The following RASSF2 variants were observed in gnomAD, a reference collection of about 807,000 sequenced individuals.
RASSF2 encodes Ras association domain family member 2, also known as ras association domain-containing protein 2.
A neutral mutation model predicts 46.3 loss-of-function variants in RASSF2; 34 were observed. The observed-to-expected ratio is 0.73, with a 90% confidence interval of 0.56 to 0.98. The LOEUF (loss-of-function observed/expected upper bound fraction) is 0.98. RASSF2 is among the 50% of genes least tolerant of loss of function. RASSF2 has a pLI of 0.00. For synonymous variants in RASSF2, 158 were observed against 162.5 expected, an observed-to-expected ratio of 0.97 and a Z score of 0.21; for missense variants, 364 against 431.2, an observed-to-expected ratio of 0.84 and a Z score of 1.38.
chr20:4,788,351 C>G, intron 8 of RASSF2, 83 bp from the exon 9 acceptor site: 1 of 1,309,016 alleles, frequency 7.6e-7, no homozygotes, highest in Non-Finnish European at 1.1e-6. Context: ...TTTAGCAATG[C>G]AAAGCTAAGT....
At chr20:4,821,600 T>C (rs1486165032) in intron 2 of RASSF2, among the ~76,000 whole-genome samples, 3 of 152,142 alleles carry the variant, frequency 2.0e-5, no homozygotes, top group African/African-American at 7.2e-5. Flanking sequence ...GTCTCCCTGA[T>C]ATTCCACCTC....
rs1251504495 is a variant in RASSF2, at chr20:4,812,740, A to C, written c.-33+9589T>G. On this transcript the variant is annotated intron_variant, in intron 2 of 11. Transcript: ENST00000379400. The surrounding 1 kb of genome is among the most constrained non-coding windows in gnomAD (Gnocchi z 4.0). Reference sequence around the variant, plus strand: ...AGTCCCTCCAAGAACCTCAGGGGGAAGACTTCACTTTACAAATGAGGAAAC... The same window carrying C: ...AGTCCCTCCAAGAACCTCAGGGGGACGACTTCACTTTACAAATGAGGAAAC... Among the ~76,000 whole-genome samples, 1 of 152,204 alleles carries C rather than the reference A, an allele frequency of 6.6e-6. No homozygotes were observed.
intron 2 of RASSF2, among the ~76,000 whole-genome samples, chr20:4,821,054 G>A (rs532191046): frequency 2.2e-4 from 33 of 152,210 alleles, no homozygotes; most frequent in African/African-American, 4.1e-4. Flanking sequence ...CAGCTGACTC[G>A]CTCAGCCATT....
intron 2 of RASSF2, among the ~76,000 whole-genome samples, chr20:4,814,738 G>T (rs1928151266): frequency 6.6e-6 from 1 of 152,180 alleles, no homozygotes; most frequent in Non-Finnish European, 1.5e-5. Flanking sequence ...ACGTGTGCGG[G>T]GAAATTCCCC....
intron 2 of RASSF2, among the ~76,000 whole-genome samples, chr20:4,809,844 G>A (rs1013543082): frequency 1.3e-5 from 2 of 152,284 alleles, no homozygotes; most frequent in African/African-American, 4.8e-5. Flanking sequence ...GAGCTCTGTG[G>A]TGTGAAGGGC....
rs1007342343 is a variant in RASSF2 at position 4,812,784 on chromosome 20, G to C, written c.-33+9545C>G. On this transcript the variant is annotated intron_variant, in intron 2 of 11. Coordinates refer to ENST00000379400, the MANE Select transcript of RASSF2 (RefSeq NM_014737.3). The surrounding 1 kb of genome is among the most constrained non-coding windows in gnomAD (Gnocchi z 4.0). ...AGGAAACAGAAGGTCTCAGAGGTTA[G>C]GTGGCTTGTCCCAGGTGGCACAGCC... 1.3e-5 allele frequency among the ~76,000 whole-genome samples: 2 copies of C among 152,194 alleles called. No individual in the cohort carries two copies. Among genetic ancestry groups the C allele is most frequent in the Non-Finnish European group, 2.9e-5 (2 of 68,026 alleles).
chr20:4,805,852 A>G (rs915007111), intron 2 of RASSF2, among the ~76,000 whole-genome samples: 1 of 152,190 alleles, frequency 6.6e-6, no homozygotes, highest in South Asian at 2.1e-4. Flanking sequence ...GGTGACGCAC[A>G]GGCTGCTGGC....
chr20:4,805,795 G>A (rs1243446109), intron 2 of RASSF2, among the ~76,000 whole-genome samples: 1 of 152,180 alleles, frequency 6.6e-6, no homozygotes, highest in Non-Finnish European at 1.5e-5. Flanking sequence ...ACCCTTTGGG[G>A]AAAGGGTGTG....
chr20:4,811,176 A>G (rs13040488), intron 2 of RASSF2, among the ~76,000 whole-genome samples: 60,084 of 150,476 alleles, frequency 0.4, 12,165 homozygotes, highest in Admixed American at 0.5. Flanking sequence ...GTGAGACCCC[A>G]TCTCTACAAA....
chr20:4,811,449 G>T (rs983836379), intron 2 of RASSF2, among the ~76,000 whole-genome samples: 1 of 152,144 alleles, frequency 6.6e-6, no homozygotes. Context: ...CACTTTCAAA[G>T]CCTCCCCAGG....
chr20:4,786,855 G>A (rs968883957), intron 10 of RASSF2, among the ~76,000 whole-genome samples: 4 of 151,990 alleles, frequency 2.6e-5, no homozygotes, highest in African/African-American at 4.8e-5. Context: ...AGGCTGAGGC[G>A]GGCGGATCAC....
At chr20:4,816,899 T>C (rs1321330522) in intron 2 of RASSF2, among the ~76,000 whole-genome samples, 1 of 151,376 alleles carries the variant, frequency 6.6e-6, no homozygotes, top group African/African-American at 2.4e-5. Flanking sequence ...AGGTCAGGAG[T>C]TCAAAAGCAG....
chr20:4,797,863 C>T, intron 4 of RASSF2, 147 bp downstream of exon 4: 2 of 1,357,368 alleles, frequency 1.5e-6, no homozygotes, highest in Admixed American at 2.9e-5. Flanking sequence ...AGTCTTCTTC[C>T]AAAGAACCCC....
intron 8 of RASSF2, 125 bp from the exon 9 acceptor site, chr20:4,788,393 T>C (rs1925554850): frequency 1.2e-6 from 1 of 809,098 alleles, no homozygotes; most frequent in African/African-American, 1.7e-5. Context: ...GGAGAGCTAT[T>C]TATCTACAAC....
chr20:4,805,189 T>G (rs1456249271), intron 2 of RASSF2, among the ~76,000 whole-genome samples: 4 of 152,096 alleles, frequency 2.6e-5, no homozygotes, highest in Non-Finnish European at 4.4e-5. Context: ...ACAGGGACTC[T>G]GCAGATGTGA....
chr20:4,816,844 C>A (rs1928351773), intron 2 of RASSF2, among the ~76,000 whole-genome samples: 1 of 152,112 alleles, frequency 6.6e-6, no homozygotes, highest in African/African-American at 2.4e-5. Context: ...TGGCTCACAC[C>A]TGTAATCCCA....
At chr20:4,805,932 G>A (rs2122598290) in intron 2 of RASSF2, among the ~76,000 whole-genome samples, 1 of 152,310 alleles carries the variant, frequency 6.6e-6, no homozygotes, top group South Asian at 2.1e-4. Flanking sequence ...TGAGTTTCAG[G>A]CAGACCCATG....
chr20:4,788,369 AG>A, intron 8 of RASSF2, 101 bp from the exon 9 acceptor site: 2 of 1,151,280 alleles, frequency 1.7e-6, no homozygotes. Context: ...AGTCAATTTT[AG>A]GCTGTTTTGA....
chr20:4,822,516 C>A (rs946962605), intron 1 of RASSF2, 113 bp from the exon 2 acceptor site: 1 of 152,336 alleles, frequency 6.6e-6, no homozygotes, highest in African/African-American at 2.4e-5. Context: ...CGAGGTGAAA[C>A]AGAACCCTCA....
Sources: gnomAD v4.1 joint callset for allele counts (sites outside exome capture counted in the v4.1 genomes callset) on GRCh38, gnomAD v4.1.1 for gene constraint, Gnocchi (gnomAD v3.1) non-coding constraint, MANE v1.5 for transcripts, NCBI Gene and HGNC (gene_info 2026-07-23, HGNC 2026-07-21) for gene names.